The following ALPK2 variants were observed in gnomAD, a reference collection of about 807,000 sequenced individuals.
The protein encoded by ALPK2 is alpha kinase 2.
A neutral mutation model predicts 163.1 loss-of-function variants in ALPK2; 127 were observed. The observed-to-expected ratio is 0.78, with a 90% CI of 0.67 to 0.90. The LOEUF is 0.90. Ranked by LOEUF, ALPK2 falls within the 40% of genes least tolerant of loss-of-function variation. The pLI is 0.00. For missense variants in ALPK2, 2,360 were observed against 2,589.6 expected (o/e 0.91, Z 1.92); for synonymous variants, 953 against 959.1 (o/e 0.99, Z 0.12).
chr18:58,553,471 G>A (rs751087587), intron 4 of ALPK2, among the ~76,000 whole-genome samples: 10 of 152,136 alleles, frequency 6.6e-5, no homozygotes, highest in Non-Finnish European at 1.2e-4. Flanking sequence ...GATACACCAA[G>A]TAAGTGCTTA....
intron 11 of ALPK2, among the ~76,000 whole-genome samples, chr18:58,498,402 A>C (rs1327819191): frequency 1.1e-4 from 16 of 152,206 alleles, no homozygotes; most frequent in Admixed American, 9.8e-4. Flanking sequence ...CTCTGTGAGA[A>C]AATCTGAGGC....
chr18:58,590,206 C>G (rs2052007799), intron 3 of ALPK2, among the ~76,000 whole-genome samples: 1 of 126,232 alleles, frequency 7.9e-6, no homozygotes, highest in African/African-American at 3.1e-5. Context: ...GGCGACAGAG[C>G]GAGGCTCCAT....
chr18:58,590,963 G>C (rs1169550006), intron 3 of ALPK2, among the ~76,000 whole-genome samples: 3 of 152,182 alleles, frequency 2.0e-5, no homozygotes, highest in African/African-American at 7.2e-5. Flanking sequence ...CTGGCTTCTT[G>C]CTGTGTTTGA....
At chr18:58,523,688 C>G (rs980191060) in intron 8 of ALPK2, 118 bp downstream of exon 8, 3 of 1,286,688 alleles carry the variant, frequency 2.3e-6, no homozygotes, top group Non-Finnish European at 3.4e-6. Flanking sequence ...CACGCCATAG[C>G]TCTCCTTCTC....
At chr18:58,539,753 G>T (rs2051680847) in intron 4 of ALPK2, among the ~76,000 whole-genome samples, 1 of 152,166 alleles carries the variant, frequency 6.6e-6, no homozygotes. Context: ...TCATGAGATT[G>T]ATTCTCATAA....
chr18:58,504,942 C>T (rs1363799756), intron 10 of ALPK2, among the ~76,000 whole-genome samples: 3 of 152,158 alleles, frequency 2.0e-5, no homozygotes, highest in East Asian at 1.9e-4. Context: ...GCACTCCTGG[C>T]GTGCAGCGGG....
intron 3 of ALPK2, among the ~76,000 whole-genome samples, 194 bp downstream of exon 3, chr18:58,607,127 GA>G (rs2052102137): frequency 6.6e-6 from 1 of 152,236 alleles, no homozygotes; most frequent in Non-Finnish European, 1.5e-5. Flanking sequence ...CAAATTAGGG[GA>G]ATATAATTAG....
Position 58,579,408 on chromosome 18 carries a change from C to T in ALPK2, c.1368G>A (p.Glu456=). 6.2e-7 allele frequency: 1 copy of T among 1,614,150 alleles called. No homozygotes were observed. Among genetic ancestry groups the T allele is most frequent in the South Asian group, 1.1e-5 (1 of 91,082 alleles). Residue 456 remains glutamate, a synonymous_variant, in exon 4 of 13, where the codon GAG becomes GAA. Transcript: ENST00000361673. ...QGRYKLPTAP[E]AAENDYPGIQ... ...TTCCTGGATAATCATTTTCAGCAGCCTCGGGAGCAGTGGGGAGTTTATATC... is the reference window on the plus strand; with the variant it reads ...TTCCTGGATAATCATTTTCAGCAGCTTCGGGAGCAGTGGGGAGTTTATATC...
chr18:58,489,974 A>C (rs1013201181), intron 12 of ALPK2, among the ~76,000 whole-genome samples: 1 of 151,346 alleles, frequency 6.6e-6, no homozygotes, highest in Non-Finnish European at 1.5e-5. Context: ...TTAGCTACTC[A>C]GGAGGCTGAG....
chr18:58,544,298 GC>G (rs1422448360), intron 4 of ALPK2: 1 of 152,074 alleles, frequency 6.6e-6, no homozygotes, highest in African/African-American at 2.4e-5. Flanking sequence ...TCACTTATTG[GC>G]CTTTCCAAAG....
chr18:58,541,730 G>A (rs1342815201), intron 4 of ALPK2, among the ~76,000 whole-genome samples: 1 of 152,220 alleles, frequency 6.6e-6, no homozygotes, highest in Non-Finnish European at 1.5e-5. Flanking sequence ...GCCCGCTGCT[G>A]ATAAGCAATT....
In ALPK2 at chr18:58,536,981, G is replaced by C. The variant is rs1476004647; in HGVS notation, c.3206C>G (p.Thr1069Arg). ...HILSGATIKSTKELLCRAPSV... is the reference protein window; with the variant it reads ...HILSGATIKSRKELLCRAPSV... ...GGGTGCCCTGCAAAGTAGCTCTTTT[G>C]TAGATTTGATGGTAGCACCACTTAA... is the stretch of plus-strand genomic sequence containing the variant. The change falls in exon 5 of 13, where the codon ACA (threonine) becomes AGA (arginine). Residue 1069 changes from threonine to arginine, a missense_variant. Coordinates refer to ENST00000361673, the MANE Select transcript of ALPK2 (RefSeq NM_052947.4). 1 of 1,614,186 alleles carries C rather than the reference G, an allele frequency of 6.2e-7. No individual in the cohort carries two copies. The highest frequency in any genetic ancestry group is 2.2e-5 in the East Asian group (1 of 44,878).
intron 10 of ALPK2, chr18:58,511,522 A>G (rs1471160630): frequency 6.6e-6 from 1 of 152,234 alleles, no homozygotes; most frequent in East Asian, 1.9e-4. Context: ...AATGCCCTGT[A>G]CTTCTCCACC....
intron 4 of ALPK2, among the ~76,000 whole-genome samples, chr18:58,555,684 G>T (rs1331245625): frequency 6.6e-6 from 1 of 152,196 alleles, no homozygotes; most frequent in East Asian, 1.9e-4. Context: ...AATGGGAGGG[G>T]CATGCATGAG....
chr18:58,528,550 A>G (rs1050909042), intron 6 of ALPK2, among the ~76,000 whole-genome samples: 1 of 152,122 alleles, frequency 6.6e-6, no homozygotes, highest in African/African-American at 2.4e-5. Flanking sequence ...AATAAAAATA[A>G]AAATCATAGG....
At chr18:58,499,280 T>G (rs2051419245) in intron 11 of ALPK2, among the ~76,000 whole-genome samples, 1 of 152,138 alleles carries the variant, frequency 6.6e-6, no homozygotes, top group Non-Finnish European at 1.5e-5. Flanking sequence ...TGCATGTGCC[T>G]TTCCAGCAGG....
chr18:58,610,275 C>CA (rs74183283), intron 2 of ALPK2, among the ~76,000 whole-genome samples: 12,144 of 61,452 alleles, frequency 0.2, 1,179 homozygotes, highest in East Asian at 0.29. Flanking sequence ...GACCCTGTCT[C>CA]AAAAAAAAAA....
chr18:58,516,774 T>A, intron 9 of ALPK2, 134 bp downstream of exon 9: 1 of 1,100,376 alleles, frequency 9.1e-7, no homozygotes, highest in Non-Finnish European at 1.3e-6. Flanking sequence ...AGCATTGAGA[T>A]TGAATTGAAA....
intron 4 of ALPK2, among the ~76,000 whole-genome samples, chr18:58,558,924 A>G (rs188826361): frequency 3.3e-5 from 5 of 152,232 alleles, no homozygotes; most frequent in African/African-American, 1.2e-4. Flanking sequence ...GGCTGGGGGA[A>G]GAAGGGGAGA....
Sources: gnomAD v4.1 joint callset for allele counts (sites outside exome capture counted in the v4.1 genomes callset) on GRCh38, gnomAD v4.1.1 for gene constraint, MANE v1.5 for transcripts, NCBI Gene and HGNC (gene_info 2026-07-23, HGNC 2026-07-21) for gene names.